ZSWIM5: variants seen among roughly 807,000 people sequenced by gnomAD.
The protein encoded by ZSWIM5 is zinc finger SWIM-type containing 5, also known as zinc finger SWIM domain-containing protein 5.
Under a neutral mutation model 119.6 loss-of-function variants are expected in ZSWIM5, and 55 were observed. The ratio of observed to expected loss-of-function variants is 0.46; its 90% CI spans 0.37 to 0.58. The LOEUF (loss-of-function observed/expected upper bound fraction) is 0.58, where lower values mean the gene tolerates loss of function less well. Among genes scored for constraint, ZSWIM5 ranks in the 20% least tolerant of loss-of-function variants. The probability of loss-of-function intolerance (pLI) is 0.00; values close to 1 mark genes in which losing one functional copy is unlikely to be tolerated. For missense variants in ZSWIM5, 1,193 were observed against 1,512.8 expected (o/e 0.79, Z 3.51); for synonymous variants, 537 against 606.9 (o/e 0.88, Z 1.69).
At chr1:45,188,498 C>G (rs1205380469) in intron 1 of ZSWIM5, among the ~76,000 whole-genome samples, 1 of 152,138 alleles carries the variant, frequency 6.6e-6, no homozygotes, top group African/African-American at 2.4e-5. Flanking sequence ...TGAGGAAAAT[C>G]TTCTAAAATT....
At chr1:45,084,980 C>T (rs1645316644) in intron 2 of ZSWIM5, among the ~76,000 whole-genome samples, 1 of 152,240 alleles carries the variant, frequency 6.6e-6, no homozygotes, top group Non-Finnish European at 1.5e-5. Context: ...CACATTTCCC[C>T]TCCACACTGC....
At chr1:45,078,810 C>T (rs944503427) in intron 2 of ZSWIM5, among the ~76,000 whole-genome samples, 1 of 152,152 alleles carries the variant, frequency 6.6e-6, no homozygotes, top group East Asian at 1.9e-4. Flanking sequence ...ATCCAGGAGC[C>T]AGGGACTAGA....
chr1:45,030,941 G>A (rs201060914), intron 11 of ZSWIM5, among the ~76,000 whole-genome samples: 25 of 151,628 alleles, frequency 1.6e-4, no homozygotes, highest in Admixed American at 1.6e-3. Context: ...GGGATTACAG[G>A]CACCCACCAC....
chr1:45,060,199 C>T lies in ZSWIM5; in HGVS notation c.1001G>A (p.Trp334Ter). The T allele has an allele frequency of 1.2e-6, 2 of 1,614,108 alleles. No individual in the cohort carries two copies. The highest frequency in any genetic ancestry group is 1.7e-6 in the Non-Finnish European group (2 of 1,180,016). Residue 334 changes from tryptophan (W) to a stop codon, truncating the protein, a stop_gained, in exon 3 of 14, where the codon TGG becomes TAG. Transcript: ENST00000359600. LOFTEE classifies it high-confidence loss of function. The stretch of plus-strand genomic sequence containing the variant: ...TTTCACCTGTTCTTCATCCAAATGC[C>T]AACAGTTCTCATCGTCAATGCTGGC... ...AGASIDDENC[W>*]HLDEEQVKEQ...
rs774101797 is a variant in ZSWIM5 at position 45,019,297 on chromosome 1, G to A, written c.2715C>T (p.Ser905=). ...AGAGTGTGTACCAGCTCTGCAAGAT[G>A]CTCACCAGGGCCCGCACACCTGTCA... The part of the protein sequence containing the change: ...ATEVGVRALV[S]ILQSWYTLFT... Residue 905 remains serine (S), a synonymous_variant, in exon 14 of 14, where the codon AGC becomes AGT. Transcript: ENST00000359600. The surrounding 1 kb of genome is among the most constrained non-coding windows in gnomAD (Gnocchi z 5.0). The A allele has an allele frequency of 1.2e-6, 2 of 1,611,310 alleles. No homozygotes were observed. The highest frequency in any genetic ancestry group is 1.7e-6 in the Non-Finnish European group (2 of 1,179,542).
At chr1:45,144,490 C>G (rs906595516) in intron 1 of ZSWIM5, among the ~76,000 whole-genome samples, 3 of 152,070 alleles carry the variant, frequency 2.0e-5, no homozygotes, top group Non-Finnish European at 2.9e-5. Flanking sequence ...GAGCTATGAT[C>G]GTGCTACTGG....
rs148751001 is a variant in ZSWIM5 at position 45,054,509 on chromosome 1, G to A, written c.1253-3256C>T. Among the ~76,000 whole-genome samples, 1,009 of 152,222 alleles carry A rather than the reference G, an allele frequency of 6.6e-3. 14 individuals are homozygous for A. Among genetic ancestry groups the A allele is most frequent in the African/African-American group, 0.024 (981 of 41,530 alleles). The stretch of plus-strand genomic sequence containing the variant: ...AGGCAGAAGAATTGAGTGAACCCAG[G>A]AGGCAGAGGTTGCAGTGAGCTGAGA... On this transcript the variant is annotated intron_variant, in intron 4 of 13. Transcript: ENST00000359600.
chr1:45,075,379 G>A (rs570062328), intron 2 of ZSWIM5, among the ~76,000 whole-genome samples: 1 of 150,236 alleles, frequency 6.7e-6, no homozygotes, highest in South Asian at 2.1e-4. Flanking sequence ...TATATATTTG[G>A]GTGCTCCAGT....
In ZSWIM5 at chr1:45,206,198, G is replaced by A. The variant is rs1408695809; in HGVS notation, c.153C>T (p.Cys51=). 6.3e-7 allele frequency: 1 copy of A among 1,599,772 alleles called. No homozygotes were observed. The highest frequency in any genetic ancestry group is 1.1e-5 in the South Asian group (1 of 89,308). The part of the protein sequence containing the change: ...GGGAGGVGSS[C]LVLGARPHLQ... ...GGTGGGGGCGGGCCCCGAGGACCAG[G>A]CAGCTGCTGCCGACGCCCCCTGCCC... Residue 51 remains cysteine, a synonymous_variant, in exon 1 of 14, where the codon TGC becomes TGT. Transcript: ENST00000359600.
intron 2 of ZSWIM5, chr1:45,069,985 T>A: frequency 4.2e-6 from 3 of 720,792 alleles, no homozygotes; most frequent in Non-Finnish European, 7.7e-6. Context: ...GTCTAACCCA[T>A]CAGATAGACT....
chr1:45,133,564 T>C (rs899586577), intron 1 of ZSWIM5, among the ~76,000 whole-genome samples: 19 of 152,348 alleles, frequency 1.2e-4, no homozygotes, highest in African/African-American at 4.3e-4. Flanking sequence ...GTAGGTTGCC[T>C]GTTCACTCTG....
Position 45,036,121 on chromosome 1 carries a change from C to T in ZSWIM5, c.2073G>A (p.Gln691=). 4 of 1,614,144 alleles carry T rather than the reference C, an allele frequency of 2.5e-6. No individual in the cohort carries two copies. The highest frequency in any genetic ancestry group is 2.2e-5 in the East Asian group (1 of 44,876). Reference sequence around the variant, plus strand: ...GCAGCTCTTGGAGTTGGCTCAGGAGCTGCTCCTCATTACGGCATACCTTGT... The same window carrying T: ...GCAGCTCTTGGAGTTGGCTCAGGAGTTGCTCCTCATTACGGCATACCTTGT... The part of the protein sequence containing the change: ...AQDKVCRNEE[Q]LLSQLQELQL... The change falls in exon 9 of 14, where the codon CAG becomes CAA. Residue 691 remains glutamine (Q), a synonymous_variant. Coordinates refer to ENST00000359600, the MANE Select transcript of ZSWIM5 (RefSeq NM_020883.2).
chr1:45,055,577 T>TG (rs1239397925), intron 4 of ZSWIM5, among the ~76,000 whole-genome samples: 9 of 152,214 alleles, frequency 5.9e-5, no homozygotes, highest in Admixed American at 5.9e-4. Context: ...GGACACAGCC[T>TG]GGAGCTCAGG....
chr1:45,025,510 T>C (rs1644915745), intron 11 of ZSWIM5, among the ~76,000 whole-genome samples: 1 of 152,228 alleles, frequency 6.6e-6, no homozygotes, highest in South Asian at 2.1e-4. Flanking sequence ...TTTACAGTAT[T>C]CCTCATATCA....
At position 45,017,348 on chromosome 1, in the gene ZSWIM5, C is replaced by T. The variant is rs778001000; in HGVS notation, c.*1106G>A. ...ATGTTTATACACATGCACTCGTGTA[C>T]GCAGATACACATACTAAACATGCAC... On this transcript the variant is annotated 3_prime_UTR_variant, in exon 14 of 14. Coordinates refer to ENST00000359600, the MANE Select transcript of ZSWIM5 (RefSeq NM_020883.2). The T allele has an allele frequency of 1.1e-4, 17 of 152,152 alleles. No homozygotes were observed. Among genetic ancestry groups the T allele is most frequent in the South Asian group, 2.1e-4 (1 of 4,830 alleles). The allele number at this position is 152,152 out of a possible 1,614,324, so 9.4% of individuals were successfully genotyped here.
At chr1:45,146,174 G>A (rs946553664) in intron 1 of ZSWIM5, among the ~76,000 whole-genome samples, 1 of 152,016 alleles carries the variant, frequency 6.6e-6, no homozygotes, top group Non-Finnish European at 1.5e-5. Context: ...TAAAGAGATA[G>A]GACAATAGCT....
In ZSWIM5 at chr1:45,184,065, T is replaced by A. The variant is rs542270418; in HGVS notation, c.595+21691A>T. On this transcript the variant is annotated intron_variant, in intron 1 of 13. Coordinates refer to ENST00000359600, the MANE Select transcript of ZSWIM5 (RefSeq NM_020883.2). Reference sequence around the variant, plus strand: ...CTTATCCACCATGATCAAGTGGGCTTCATCCCTGGGATGCAAGGCTGGTTC... The same window carrying A: ...CTTATCCACCATGATCAAGTGGGCTACATCCCTGGGATGCAAGGCTGGTTC... Among the ~76,000 whole-genome samples, 4 of 152,264 alleles carry A rather than the reference T, an allele frequency of 2.6e-5. No homozygotes were observed. The South Asian group carries it at 8.3e-4, about 32-fold the overall frequency.
At chr1:45,022,153 C>T (rs371908376) in intron 11 of ZSWIM5, among the ~76,000 whole-genome samples, 1 of 144,628 alleles carries the variant, frequency 6.9e-6, no homozygotes, top group African/African-American at 2.7e-5. Context: ...TTTTTTGAGA[C>T]GGAGTCTCGT....
At chr1:45,185,926 A>ATGC in intron 1 of ZSWIM5, among the ~76,000 whole-genome samples, 1 of 152,364 alleles carries the variant, frequency 6.6e-6, no homozygotes, top group Admixed American at 6.5e-5. Flanking sequence ...ATTGTAAATC[A>ATGC]TGCTGCTATA....
Sources: allele counts gnomAD v4.1 joint callset (sites outside exome capture counted in the v4.1 genomes callset), GRCh38; gene constraint gnomAD v4.1.1; non-coding constraint Gnocchi (gnomAD v3.1); transcripts MANE v1.5; gene names NCBI Gene and HGNC (gene_info 2026-07-23, HGNC 2026-07-21).